Variants in PLXDC2 observed in about 807,000 individuals in gnomAD.
The protein encoded by PLXDC2 is plexin domain containing 2.
PLXDC2 carries 40 observed loss-of-function variants against 68.9 expected under a neutral mutation model. The ratio of observed to expected loss-of-function variants is 0.58; its 90% CI spans 0.45 to 0.76. The LOEUF is 0.76. Ranked by LOEUF, PLXDC2 falls within the 30% of genes least tolerant of loss-of-function variation. The probability of loss-of-function intolerance (pLI) is 0.00; values close to 1 mark genes in which losing one functional copy is unlikely to be tolerated. For missense variants in PLXDC2, 644 were observed against 661.9 expected, an observed-to-expected ratio of 0.97 and a Z score of 0.30; for synonymous variants, 243 against 234.2, an observed-to-expected ratio of 1.04 and a Z score of -0.34.
At chr10:19,855,547 C>T (rs1837196004) in intron 1 of PLXDC2, among the ~76,000 whole-genome samples, 1 of 152,088 alleles carries the variant, frequency 6.6e-6, no homozygotes, top group Non-Finnish European at 1.5e-5. Flanking sequence ...TTTCTGGTTT[C>T]ATATTTTTCA....
chr10:20,102,587 C>T (rs973232733), intron 4 of PLXDC2, among the ~76,000 whole-genome samples: 15 of 151,992 alleles, frequency 9.9e-5, no homozygotes, highest in Non-Finnish European at 1.5e-4. Flanking sequence ...GTAAGGGGTA[C>T]GAGAAAAATA....
intron 12 of PLXDC2, among the ~76,000 whole-genome samples, chr10:20,223,090 CA>C (rs1835236946): frequency 6.6e-6 from 1 of 152,222 alleles, no homozygotes; most frequent in African/African-American, 2.4e-5. Context: ...GTGTCCCAAA[CA>C]CCATTCTAAA....
At chr10:20,164,318 A>G in intron 6 of PLXDC2, 150 bp from the exon 7 acceptor site, 1 of 657,074 alleles carries the variant, frequency 1.5e-6, no homozygotes, top group Admixed American at 2.8e-5. Flanking sequence ...TTGGTTTCGT[A>G]TGTCTCTCTT....
chr10:19,946,017 C>G (rs55782958), intron 1 of PLXDC2, among the ~76,000 whole-genome samples: 24,137 of 152,216 alleles, frequency 0.16, 2,109 homozygotes, highest in South Asian at 0.26. Flanking sequence ...GCTCAAATTC[C>G]CTTTGCCCGT....
At chr10:19,967,202 GA>G (rs1834278216) in intron 1 of PLXDC2, among the ~76,000 whole-genome samples, 1 of 152,188 alleles carries the variant, frequency 6.6e-6, no homozygotes, top group South Asian at 2.1e-4. Context: ...TTTGGGTGTA[GA>G]AAATCACCAA....
At chr10:20,019,705 G>A (rs1383479105) in intron 2 of PLXDC2, among the ~76,000 whole-genome samples, 1 of 152,172 alleles carries the variant, frequency 6.6e-6, no homozygotes, top group Non-Finnish European at 1.5e-5. Context: ...CAGGAAGAGA[G>A]TCCTCACAAG....
At chr10:19,928,482 T>A in intron 1 of PLXDC2, among the ~76,000 whole-genome samples, 1 of 152,154 alleles carries the variant, frequency 6.6e-6, no homozygotes, top group East Asian at 1.9e-4. Context: ...GTGCAAATAA[T>A]CTGTGTTTAT....
At chr10:20,013,191 CCTAT>C (rs1835147151) in intron 2 of PLXDC2, among the ~76,000 whole-genome samples, 2 of 152,174 alleles carry the variant, frequency 1.3e-5, no homozygotes, top group Non-Finnish European at 2.9e-5. Context: ...TACATACCTA[CCTAT>C]CTACCTACCT....
chr10:20,234,278 T>C (rs12356314), intron 12 of PLXDC2, among the ~76,000 whole-genome samples: 1 of 152,124 alleles, frequency 6.6e-6, no homozygotes, highest in African/African-American at 2.4e-5. Flanking sequence ...GATGGTTTGG[T>C]GGAACAGGTC....
intron 1 of PLXDC2, among the ~76,000 whole-genome samples, chr10:19,867,065 T>TC (rs139268985): frequency 1.3e-3 from 44 of 34,792 alleles, no homozygotes; most frequent in Admixed American, 1.9e-3. Flanking sequence ...CCTTTCCCTC[T>TC]TTTTTTTTTT....
chr10:20,213,979 T>C (rs1002411669), intron 10 of PLXDC2, among the ~76,000 whole-genome samples: 1 of 152,146 alleles, frequency 6.6e-6, no homozygotes. Flanking sequence ...AGCAATTTCT[T>C]CAGATGTATT....
intron 1 of PLXDC2, among the ~76,000 whole-genome samples, chr10:19,942,181 G>A (rs1159927771): frequency 6.6e-6 from 1 of 152,048 alleles, no homozygotes; most frequent in Non-Finnish European, 1.5e-5. Context: ...AAGATTAAAT[G>A]GACTTAAACT....
intron 4 of PLXDC2, among the ~76,000 whole-genome samples, chr10:20,120,708 C>T (rs1160204896): frequency 3.3e-5 from 5 of 152,022 alleles, no homozygotes; most frequent in East Asian, 1.9e-4. Context: ...GGCAAATCCT[C>T]GAGCTTCATG....
intron 4 of PLXDC2, among the ~76,000 whole-genome samples, chr10:20,083,531 A>G (rs1435681307): frequency 2.0e-5 from 3 of 152,032 alleles, no homozygotes; most frequent in Non-Finnish European, 4.4e-5. Context: ...AACAGCATTA[A>G]TATTTAAAAT....
chr10:19,957,899 C>T lies in PLXDC2; in HGVS notation c.113-43876C>T, dbSNP rs1176002227. 3.9e-5 allele frequency among the ~76,000 whole-genome samples: 6 copies of T among 152,174 alleles called. No homozygotes were observed. In the East Asian group the frequency reaches 9.7e-4, roughly 24 times the overall value. On this transcript the variant is annotated intron_variant, in intron 1 of 13. Coordinates refer to ENST00000377252, the MANE Select transcript of PLXDC2 (RefSeq NM_032812.9). The stretch of plus-strand genomic sequence containing the variant: ...CAGTAACATTTATTCTTTAGAGTTT[C>T]AGTTTTATGCAGTCTATATATTAGG...
At chr10:20,208,340 C>A (rs1476016508) in intron 9 of PLXDC2, among the ~76,000 whole-genome samples, 1 of 152,022 alleles carries the variant, frequency 6.6e-6, no homozygotes, top group Non-Finnish European at 1.5e-5. Context: ...GAATGAGAGC[C>A]AGGCAAAAGG....
At chr10:20,272,357 GAC>G (rs1012454345) in intron 13 of PLXDC2, among the ~76,000 whole-genome samples, 12 of 151,958 alleles carry the variant, frequency 7.9e-5, no homozygotes, top group African/African-American at 2.9e-4. Context: ...AGACCAGGAG[GAC>G]AGAGTTTACT....
intron 12 of PLXDC2, among the ~76,000 whole-genome samples, chr10:20,232,095 A>G (rs1184051298): frequency 6.6e-6 from 1 of 152,200 alleles, no homozygotes; most frequent in Non-Finnish European, 1.5e-5. Context: ...TATTTACAGT[A>G]TGCTTATATT....
intron 6 of PLXDC2, among the ~76,000 whole-genome samples, chr10:20,157,885 T>A (rs1468177679): frequency 6.6e-6 from 1 of 152,180 alleles, no homozygotes; most frequent in Non-Finnish European, 1.5e-5. Context: ...TGGAAGCATA[T>A]TTTAACCAGT....
Sources: gnomAD v4.1 joint callset for allele counts (sites outside exome capture counted in the v4.1 genomes callset) on GRCh38, gnomAD v4.1.1 for gene constraint, MANE v1.5 for transcripts, NCBI Gene and HGNC (gene_info 2026-07-23, HGNC 2026-07-21) for gene names.